The following DNM1L variants were observed in gnomAD, a reference collection of about 807,000 sequenced individuals.
DNM1L encodes the protein dynamin-1-like protein.
A neutral mutation model predicts 92.8 loss-of-function variants in DNM1L; 33 were observed. That is an observed-to-expected ratio of 0.36 (90% confidence interval 0.27 to 0.48). DNM1L has a LOEUF of 0.48. Among genes scored for constraint, DNM1L ranks in the 20% least tolerant of loss-of-function variants. The probability of loss-of-function intolerance (pLI) is 0.99; values close to 1 mark genes in which losing one functional copy is unlikely to be tolerated. For missense variants in DNM1L, 485 were observed against 888.8 expected, an observed-to-expected ratio of 0.55 and a Z score of 5.78; for synonymous variants, 284 against 305.0, an observed-to-expected ratio of 0.93 and a Z score of 0.72.
chr12:32,682,360 G>T (rs578217396), intron 1 of DNM1L, among the ~76,000 whole-genome samples: 1 of 152,202 alleles, frequency 6.6e-6, no homozygotes, highest in Admixed American at 6.5e-5. Flanking sequence ...TCCAACTCCC[G>T]ACCTCAGGTG....
chr12:32,707,516 A>C, intron 3 of DNM1L, 103 bp downstream of exon 3: 1 of 802,060 alleles, frequency 1.2e-6, no homozygotes. Context: ...GTTATTTTAA[A>C]GTAACTATAA....
chr12:32,740,727 T>G (rs151082457), intron 18 of DNM1L, among the ~76,000 whole-genome samples: 4 of 152,334 alleles, frequency 2.6e-5, no homozygotes, highest in African/African-American at 9.6e-5. Flanking sequence ...AAAAAGCTAT[T>G]AAAAATGAGA....
intron 2 of DNM1L, among the ~76,000 whole-genome samples, chr12:32,701,979 T>G (rs1284933820): frequency 1.3e-5 from 2 of 148,928 alleles, no homozygotes; most frequent in African/African-American, 4.9e-5. Context: ...CCGCCCGCCT[T>G]GGCCTCCCAA....
chr12:32,698,223 G>A (rs1952551993), intron 1 of DNM1L, among the ~76,000 whole-genome samples: 1 of 152,148 alleles, frequency 6.6e-6, no homozygotes, highest in South Asian at 2.1e-4. Flanking sequence ...CATCATAGGG[G>A]ACCTTTCTGG....
chr12:32,714,550 G>A (rs1245871327), intron 6 of DNM1L, among the ~76,000 whole-genome samples: 2 of 151,976 alleles, frequency 1.3e-5, no homozygotes, highest in Non-Finnish European at 2.9e-5. Context: ...GGGATTACAG[G>A]TGTGAGCCAC....
intron 1 of DNM1L, among the ~76,000 whole-genome samples, chr12:32,680,434 A>G (rs972312225): frequency 6.6e-6 from 1 of 152,198 alleles, no homozygotes; most frequent in African/African-American, 2.4e-5. Flanking sequence ...AGTATAGGGT[A>G]TAAGTGCTAT....
At chr12:32,696,376 AC>A (rs1289018877) in intron 1 of DNM1L, among the ~76,000 whole-genome samples, 31 of 81,656 alleles carry the variant, frequency 3.8e-4, no homozygotes, top group African/African-American at 1.1e-3. Flanking sequence ...GTCTACACAC[AC>A]ACACAAACAC....
Position 32,720,764 on chromosome 12 carries a change from G to A in DNM1L, c.841G>A (p.Gly281Arg), listed in dbSNP as rs1210310144. The A allele has an allele frequency of 1.2e-6, 2 of 1,613,636 alleles. No individual in the cohort carries two copies. The highest frequency in any genetic ancestry group is 1.7e-6 in the Non-Finnish European group (2 of 1,179,850). ...ATATCCATCTCTGGCCAATAGAAATGGAACAAAGTATCTTGCTAGGACTCT... is the reference window on the plus strand; with the variant it reads ...ATATCCATCTCTGGCCAATAGAAATAGAACAAAGTATCTTGCTAGGACTCT... Reference protein sequence around the residue: ...KKYPSLANRNGTKYLARTLNR... With the variant: ...KKYPSLANRNRTKYLARTLNR... The change falls in exon 8 of 20, where the codon GGA becomes AGA. Residue 281 changes from glycine (G) to arginine (R), a missense_variant. By Grantham distance (125) the Gly-to-Arg change is moderately radical (BLOSUM62 -2). Around this residue, in one of 11 missense-constraint regions of DNM1L, gnomAD observed 40 missense variants for 128.7 expected, o/e 0.31. Transcript: ENST00000549701.
chr12:32,744,721 A>AAAAAT lies in DNM1L; in HGVS notation c.*1316_*1320dup. On this transcript the variant is annotated 3_prime_UTR_variant, in exon 20 of 20. Coordinates refer to ENST00000549701, the MANE Select transcript of DNM1L (RefSeq NM_012062.5). ...AGAGCGAAACTCCGTCTCAAAAAAA[A>AAAAAT]AAAATAAAACAACACCCAGATAGAT... The AAAAAT allele has an allele frequency of 2.7e-6, 1 of 366,942 alleles. No homozygotes were observed. Among genetic ancestry groups the AAAAAT allele is most frequent in the South Asian group, 2.1e-5 (1 of 47,388 alleles). 22.7% of individuals were successfully genotyped at this position (366,942 alleles called of 1,614,324 possible). A position where few individuals can be genotyped will look rare whatever the true frequency, so the allele number is the denominator to read the frequency against.
chr12:32,691,491 C>T (rs181256522), intron 1 of DNM1L, among the ~76,000 whole-genome samples: 2 of 152,250 alleles, frequency 1.3e-5, no homozygotes, highest in East Asian at 3.9e-4. Flanking sequence ...GATCCACCCG[C>T]CTTGGCCTCC....
At position 32,701,486 on chromosome 12, in the gene DNM1L, C is replaced by T; in HGVS notation, c.174C>T (p.Val58=). The T allele has an allele frequency of 1.9e-6, 3 of 1,613,750 alleles. No individual in the cohort carries two copies. Among genetic ancestry groups the T allele is most frequent in the Non-Finnish European group, 2.5e-6 (3 of 1,179,680 alleles). Residue 58 remains valine, a synonymous_variant, in exon 2 of 20, where the codon GTC becomes GTT. Transcript: ENST00000549701. ...TGCTTCCCAGAGGTACTGGAATTGT[C>T]ACCCGGAGACCTCTCATTCTGCAAC... The part of the protein sequence containing the change: ...RDLLPRGTGI[V]TRRPLILQLV...
At chr12:32,682,863 A>AT (rs561328210) in intron 1 of DNM1L, among the ~76,000 whole-genome samples, 53 of 152,176 alleles carry the variant, frequency 3.5e-4, no homozygotes, top group African/African-American at 9.6e-4. Flanking sequence ...AATTGCTTTT[A>AT]TTTTTTCTAG....
chr12:32,687,993 C>T (rs1034389069), intron 1 of DNM1L, among the ~76,000 whole-genome samples: 1 of 152,064 alleles, frequency 6.6e-6, no homozygotes, highest in Admixed American at 6.6e-5. Flanking sequence ...GGCGTGATCT[C>T]GTTTCACTTG....
At chr12:32,695,464 G>T (rs982640204) in intron 1 of DNM1L, among the ~76,000 whole-genome samples, 6 of 152,114 alleles carry the variant, frequency 3.9e-5, no homozygotes, top group Admixed American at 1.3e-4. Flanking sequence ...AAGTGATAGT[G>T]AAGTATTATA....
At chr12:32,711,205 C>A in intron 5 of DNM1L, 190 bp downstream of exon 5, 1 of 567,642 alleles carries the variant, frequency 1.8e-6, no homozygotes, top group Non-Finnish European at 3.1e-6. Flanking sequence ...AGGTTTATCT[C>A]CAGTCTCACT....
intron 6 of DNM1L, among the ~76,000 whole-genome samples, chr12:32,715,283 T>C (rs1158401552): frequency 6.6e-6 from 1 of 151,916 alleles, no homozygotes; most frequent in Non-Finnish European, 1.5e-5. Context: ...AATCTAGTAA[T>C]ACATCATAAG....
In DNM1L at chr12:32,740,396, C is replaced by G; in HGVS notation, c.1885-13C>G. On this transcript the variant is annotated splice_polypyrimidine_tract_variant and intron_variant, in intron 17 of 19. Coordinates refer to ENST00000549701, the MANE Select transcript of DNM1L (RefSeq NM_012062.5). ...CACAAAAGTAATATTTTTTCCCCCT[C>G]ATCCCTATTTAGCCAGTTCCTGTTG... 3.1e-6 allele frequency: 5 copies of G among 1,612,982 alleles called. No individual in the cohort carries two copies. The highest frequency in any genetic ancestry group is 4.2e-6 in the Non-Finnish European group (5 of 1,179,132).
chr12:32,740,561 G>T (rs767191670), intron 18 of DNM1L, 43 bp downstream of exon 18: 1 of 1,499,614 alleles, frequency 6.7e-7, no homozygotes, highest in Admixed American at 1.8e-5. Flanking sequence ...AATACTTCTG[G>T]ATGATTCTGT....
chr12:32,718,845 T>C (rs1281363209), intron 7 of DNM1L, 82 bp downstream of exon 7: 1 of 1,570,354 alleles, frequency 6.4e-7, no homozygotes, highest in East Asian at 2.3e-5. Context: ...CAAGTCTGAA[T>C]TTCTAAAATC....
Sources: allele counts gnomAD v4.1 joint callset (sites outside exome capture counted in the v4.1 genomes callset), GRCh38; gene constraint gnomAD v4.1.1; regional missense constraint gnomAD v4.1.1; transcripts MANE v1.5; gene names NCBI Gene and HGNC (gene_info 2026-07-23, HGNC 2026-07-21).